The following GRIA1 variants were observed in gnomAD, a reference collection of about 807,000 sequenced individuals.
GRIA1 encodes glutamate receptor 1.
A neutral mutation model predicts 99.2 loss-of-function variants in GRIA1; 31 were observed. The observed-to-expected ratio is 0.31, with a 90% confidence interval of 0.23 to 0.42. The LOEUF (loss-of-function observed/expected upper bound fraction) is 0.42, where lower values mean the gene tolerates loss of function less well. GRIA1 is among the 10% of genes least tolerant of loss of function. The pLI is 1.00. For synonymous variants in GRIA1, 438 were observed against 432.4 expected (o/e 1.01, Z -0.16); for missense variants, 782 against 1,157.5 (o/e 0.68, Z 4.71).
intron 8 of GRIA1, among the ~76,000 whole-genome samples, chr5:153,697,018 A>T (rs1758163347): frequency 6.6e-6 from 1 of 152,146 alleles, no homozygotes; most frequent in African/African-American, 2.4e-5. Flanking sequence ...TTTTGGGCTA[A>T]CTCTATCTTC....
chr5:153,631,901 T>G (rs1862409), intron 2 of GRIA1, among the ~76,000 whole-genome samples: 8,372 of 151,986 alleles, frequency 0.055, 260 homozygotes, highest in African/African-American at 0.073. Context: ...GAGAAGAGTT[T>G]TGGGCAGTGA....
At chr5:153,629,820 T>C (rs182191487) in intron 2 of GRIA1, among the ~76,000 whole-genome samples, 28 of 152,344 alleles carry the variant, frequency 1.8e-4, no homozygotes, top group Non-Finnish European at 1.2e-4. Flanking sequence ...CATGCAATTT[T>C]TATTAGTGGC....
chr5:153,568,545 T>C (rs2149360237), intron 2 of GRIA1, among the ~76,000 whole-genome samples: 1 of 152,314 alleles, frequency 6.6e-6, no homozygotes, highest in South Asian at 2.1e-4. Flanking sequence ...GATGGTGTCA[T>C]CATTAAGCTC....
chr5:153,784,311 A>G (rs1044269361), intron 13 of GRIA1, among the ~76,000 whole-genome samples: 3 of 152,132 alleles, frequency 2.0e-5, no homozygotes, highest in Admixed American at 2.0e-4. Context: ...TAATTTGATC[A>G]GAGATGAATG....
At chr5:153,727,523 G>A (rs887557788) in intron 11 of GRIA1, among the ~76,000 whole-genome samples, 4 of 152,180 alleles carry the variant, frequency 2.6e-5, no homozygotes, top group South Asian at 2.1e-4. Context: ...AAGATGATAA[G>A]CAACTTCAGC....
chr5:153,646,809 A>T, intron 2 of GRIA1, 119 bp from the exon 3 acceptor site: 1 of 1,073,544 alleles, frequency 9.3e-7, no homozygotes, highest in Non-Finnish European at 1.4e-6. Flanking sequence ...AGATGGATAG[A>T]TGACAGTTGG....
intron 2 of GRIA1, among the ~76,000 whole-genome samples, chr5:153,641,195 A>T (rs1581385980): frequency 6.6e-6 from 1 of 152,156 alleles, no homozygotes; most frequent in Middle Eastern, 3.4e-3. Flanking sequence ...CTGTCCTGTC[A>T]CCTCATTATC....
At chr5:153,556,574 A>G (rs1760665501) in intron 2 of GRIA1, among the ~76,000 whole-genome samples, 1 of 152,208 alleles carries the variant, frequency 6.6e-6, no homozygotes, top group Admixed American at 6.5e-5. Context: ...GCAAGAATAA[A>G]CATTACTAGT....
At chr5:153,685,890 G>A (rs1757305612) in intron 7 of GRIA1, among the ~76,000 whole-genome samples, 1 of 152,166 alleles carries the variant, frequency 6.6e-6, no homozygotes, top group African/African-American at 2.4e-5. Flanking sequence ...ATGTGTATCT[G>A]AGAAGGGCAG....
chr5:153,549,667 C>T (rs1422366833), intron 2 of GRIA1, among the ~76,000 whole-genome samples: 1 of 152,144 alleles, frequency 6.6e-6, no homozygotes, highest in Admixed American at 6.5e-5. Flanking sequence ...TTTCCCCTCC[C>T]TTTTCAAAAA....
rs750286086 is a variant in GRIA1, at chr5:153,593,573, TTTGC to T, written c.221-53340_221-53337del. On this transcript the variant is annotated intron_variant, in intron 2 of 15. Coordinates refer to ENST00000285900, the MANE Select transcript of GRIA1 (RefSeq NM_000827.4). The stretch of plus-strand genomic sequence containing the variant: ...TTTCTGCTTTATTGTTTTTTGTTTG[TTTGC>T]TTGCTTGCTTGCTTTGTTTATTTTA... 3.6e-3 allele frequency among the ~76,000 whole-genome samples: 550 copies of T among 151,274 alleles called. 1 individual carries two copies. Among genetic ancestry groups the T allele is most frequent in the Admixed American group, 5.5e-3 (84 of 15,274 alleles).
chr5:153,801,960 G>GT (rs1171880549), intron 14 of GRIA1, among the ~76,000 whole-genome samples: 8 of 142,132 alleles, frequency 5.6e-5, no homozygotes, highest in South Asian at 2.4e-4. Flanking sequence ...GGCGGGGGGG[G>GT]GCGGGGGGCA....
chr5:153,639,033 G>C (rs1477172149), intron 2 of GRIA1, among the ~76,000 whole-genome samples: 1 of 152,202 alleles, frequency 6.6e-6, no homozygotes, highest in Admixed American at 6.5e-5. Context: ...AGCCACGTCT[G>C]TGCTGGAACT....
At chr5:153,550,623 A>C (rs899959197) in intron 2 of GRIA1, among the ~76,000 whole-genome samples, 8 of 152,170 alleles carry the variant, frequency 5.3e-5, no homozygotes, top group African/African-American at 1.7e-4. Context: ...CTTCAATATC[A>C]AGGTAGAAAA....
At chr5:153,787,183 G>T (rs1331540997) in intron 13 of GRIA1, among the ~76,000 whole-genome samples, 1 of 152,088 alleles carries the variant, frequency 6.6e-6, no homozygotes, top group Non-Finnish European at 1.5e-5. Context: ...AGAGCACAAG[G>T]CTGGATATAT....
At position 153,519,472 on chromosome 5, in the gene GRIA1, C is replaced by G. The variant is rs150835644; in HGVS notation, c.220+25407C>G. On this transcript the variant is annotated intron_variant, in intron 2 of 15. Coordinates refer to ENST00000285900, the MANE Select transcript of GRIA1 (RefSeq NM_000827.4). The stretch of plus-strand genomic sequence containing the variant: ...GACTAGATCAGAGTCTGAAGTTTTT[C>G]TGTAACTCAGTTCTCATCTTAACGC... Among the ~76,000 whole-genome samples the G allele has an allele frequency of 1.5e-3, 234 of 151,464 alleles. 2 individuals carry two copies. Among genetic ancestry groups the G allele is most frequent in the African/African-American group, 5.3e-3 (220 of 41,226 alleles).
At chr5:153,547,285 C>A (rs1205748933) in intron 2 of GRIA1, among the ~76,000 whole-genome samples, 1 of 152,056 alleles carries the variant, frequency 6.6e-6, no homozygotes, top group Non-Finnish European at 1.5e-5. Flanking sequence ...ATTGGACACC[C>A]CTGATCTAGC....
intron 8 of GRIA1, among the ~76,000 whole-genome samples, chr5:153,686,896 C>G (rs962009274): frequency 6.6e-6 from 1 of 152,142 alleles, no homozygotes; most frequent in Non-Finnish European, 1.5e-5. Context: ...GGGCCTCTGC[C>G]GATTTCTTCA....
intron 2 of GRIA1, among the ~76,000 whole-genome samples, chr5:153,645,628 C>A (rs1256825099): frequency 6.6e-6 from 1 of 151,898 alleles, no homozygotes; most frequent in Non-Finnish European, 1.5e-5. Context: ...TGTATTTGAC[C>A]AAAGAAGACT....
Sources: allele counts gnomAD v4.1 joint callset (sites outside exome capture counted in the v4.1 genomes callset), GRCh38; gene constraint gnomAD v4.1.1; transcripts MANE v1.5; gene names NCBI Gene and HGNC (gene_info 2026-07-23, HGNC 2026-07-21).